The following ARHGAP30 variants were observed in gnomAD, a reference collection of about 807,000 sequenced individuals.
ARHGAP30 encodes rho GTPase-activating protein 30.
A neutral mutation model predicts 72.0 loss-of-function variants in ARHGAP30; 23 were observed. That is an observed-to-expected ratio of 0.32 (90% CI 0.23 to 0.45). The LOEUF (loss-of-function observed/expected upper bound fraction) is 0.45, where lower values mean the gene tolerates loss of function less well. ARHGAP30 is among the 20% of genes least tolerant of loss of function. ARHGAP30 has a pLI of 1.00. For synonymous variants in ARHGAP30, 576 were observed against 528.2 expected (o/e 1.09, Z -1.24); for missense variants, 1,319 against 1,383.4 (o/e 0.95, Z 0.74).
At chr1:161,067,967 G>T (rs932622526) in intron 1 of ARHGAP30, among the ~76,000 whole-genome samples, 1 of 149,246 alleles carries the variant, frequency 6.7e-6, no homozygotes, top group African/African-American at 2.5e-5. Context: ...TCCTGCTCTC[G>T]GATTCACCTA....
chr1:161,051,198 C>A, intron 10 of ARHGAP30, 116 bp downstream of exon 10: 1 of 1,471,398 alleles, frequency 6.8e-7, no homozygotes, highest in Non-Finnish European at 9.0e-7. Flanking sequence ...AGGTAACCAC[C>A]CCAAAGCCCA....
At chr1:161,064,823 G>GAAA (rs1242829760) in intron 1 of ARHGAP30, among the ~76,000 whole-genome samples, 1 of 63,914 alleles carries the variant, frequency 1.6e-5, no homozygotes, top group Non-Finnish European at 2.8e-5. Context: ...AAGAAAGAAA[G>GAAA]AAAGAAAGAG....
chr1:161,063,734 G>C (rs1341991790), intron 1 of ARHGAP30, among the ~76,000 whole-genome samples: 1 of 152,178 alleles, frequency 6.6e-6, no homozygotes, highest in Non-Finnish European at 1.5e-5. Context: ...AAATATCGCT[G>C]AATTCTTTTT....
chr1:161,049,546 C>T lies in ARHGAP30; in HGVS notation c.1564G>A (p.Glu522Lys). 6.2e-7 allele frequency: 1 copy of T among 1,614,174 alleles called. No individual in the cohort carries two copies. The highest frequency in any genetic ancestry group is 8.5e-7 in the Non-Finnish European group (1 of 1,180,030). ...FLEDSSSSEP[E>K]WVGAEDGEVA... The stretch of plus-strand genomic sequence containing the variant: ...TCCCCATCCTCTGCCCCCACCCACT[C>T]AGGTTCTGAGCTGCTTGAGTCCTCT... Residue 522 changes from glutamate to lysine, a missense_variant, in exon 11 of 12, where the codon GAG (glutamate) becomes AAG (lysine). Glu to Lys is a moderately conservative substitution (Grantham distance 56). Transcript: ENST00000368013.
chr1:161,068,451 G>C (rs1652920696), intron 1 of ARHGAP30, among the ~76,000 whole-genome samples: 1 of 152,144 alleles, frequency 6.6e-6, no homozygotes, highest in Non-Finnish European at 1.5e-5. Flanking sequence ...GGACGCAGGG[G>C]CGGGGCTAAG....
chr1:161,048,799 T>C lies in ARHGAP30; in HGVS notation c.2222A>G (p.Glu741Gly). ...TTCTTTTTCCTTCTCATCTGTATACTCATCTCCTCCTGGTTCCTCCACACC... is the reference window on the plus strand; with the variant it reads ...TTCTTTTTCCTTCTCATCTGTATACCCATCTCCTCCTGGTTCCTCCACACC... ...AKGVEEPGGD[E>G]YTDEKEKEIE... The change falls in exon 12 of 12, where the codon GAG becomes GGG. Residue 741 changes from glutamate (E) to glycine (G), a missense_variant. By Grantham distance (98) the Glu-to-Gly change is moderately conservative (BLOSUM62 -2). Transcript: ENST00000368013. 1 of 1,614,122 alleles carries C rather than the reference T, an allele frequency of 6.2e-7. No individual in the cohort carries two copies. Among genetic ancestry groups the C allele is most frequent in the South Asian group, 1.1e-5 (1 of 91,082 alleles).
intron 5 of ARHGAP30, 93 bp from the exon 6 acceptor site, chr1:161,053,478 C>G: frequency 9.8e-7 from 1 of 1,022,376 alleles, no homozygotes; most frequent in Non-Finnish European, 1.3e-6. Flanking sequence ...CTCTCTCTCT[C>G]TCTCTCTCTC....
chr1:161,056,292 G>C, intron 3 of ARHGAP30, 96 bp downstream of exon 3: 1 of 1,475,844 alleles, frequency 6.8e-7, no homozygotes, highest in Non-Finnish European at 9.1e-7. Flanking sequence ...ATTCAGGATC[G>C]CTAGGACTCT....
At position 161,048,793 on chromosome 1, in the gene ARHGAP30, G is replaced by T; in HGVS notation, c.2228C>A (p.Thr743Lys). ...CTCAATTTCTTTTTCCTTCTCATCTGTATACTCATCTCCTCCTGGTTCCTC... is the reference window on the plus strand; with the variant it reads ...CTCAATTTCTTTTTCCTTCTCATCTTTATACTCATCTCCTCCTGGTTCCTC... ...GVEEPGGDEYTDEKEKEIERE... is the reference protein window; with the variant it reads ...GVEEPGGDEYKDEKEKEIERE... The change falls in exon 12 of 12, where the codon ACA becomes AAA. Residue 743 changes from threonine to lysine, a missense_variant. Physicochemically the swap from Thr to Lys is moderately conservative, Grantham distance 78 (BLOSUM62 -1). Around this residue, in one of 2 missense-constraint regions of ARHGAP30, gnomAD observed 1,097 missense variants for 1,045.2 expected, o/e 1.05. Coordinates refer to ENST00000368013, the MANE Select transcript of ARHGAP30 (RefSeq NM_001025598.2). 6.2e-7 allele frequency: 1 copy of T among 1,613,764 alleles called. No homozygotes were observed. Among genetic ancestry groups the T allele is most frequent in the Non-Finnish European group, 8.5e-7 (1 of 1,179,952 alleles).
intron 1 of ARHGAP30, among the ~76,000 whole-genome samples, chr1:161,064,927 A>G (rs1031698149): frequency 6.7e-6 from 1 of 150,202 alleles, no homozygotes; most frequent in East Asian, 2.0e-4. Context: ...GAGAAAAGGA[A>G]AGGAAGGGAA....
Position 161,056,094 on chromosome 1 carries a change from C to A in ARHGAP30, c.345+294G>T, listed in dbSNP as rs546185822. On this transcript the variant is annotated intron_variant, in intron 3 of 11. Transcript: ENST00000368013. ...CTTTCCAAGGCCCTTCCAGCTACAACAATCTGACCTCTACCTCCCCAAGTC... is the reference window on the plus strand; with the variant it reads ...CTTTCCAAGGCCCTTCCAGCTACAAAAATCTGACCTCTACCTCCCCAAGTC... Among the ~76,000 whole-genome samples the A allele has an allele frequency of 2.0e-5, 3 of 152,122 alleles. No homozygotes were observed. In the South Asian group the frequency reaches 6.2e-4, roughly 32 times the overall value.
At position 161,069,749 on chromosome 1, in the gene ARHGAP30, T is replaced by C. The variant is rs920857917; in HGVS notation, c.-125A>G. On this transcript the variant is annotated 5_prime_UTR_variant, in exon 1 of 12. Transcript: ENST00000368013. This position sits in a 1 kb window ranked among gnomAD's most constrained non-coding sequence, Gnocchi z 4.9. ...GGCCCCAGGGGGGCAGGGCTCCCAA[T>C]TGGGGGTGGAGGGTGGCCTGGGCAA... 7 of 1,061,808 alleles carry C rather than the reference T, an allele frequency of 6.6e-6. No homozygotes were observed. The highest frequency in any genetic ancestry group is 4.2e-5 in the South Asian group (3 of 70,788). The allele number at this position is 1,061,808 out of a possible 1,614,324, so 65.8% of individuals were successfully genotyped here.
chr1:161,049,778 C>A (rs1651212222), intron 10 of ARHGAP30, 89 bp from the exon 11 acceptor site: 5 of 1,462,366 alleles, frequency 3.4e-6, no homozygotes, highest in Admixed American at 2.1e-5. Flanking sequence ...ATAGCAGGGG[C>A]CCAGCACTCC....
At position 161,047,368 on chromosome 1, in the gene ARHGAP30, AT is replaced by A. The variant is rs1650922620; in HGVS notation, c.*346del. ...CTACCTTTGGCTTTCATGAAGAGAG[AT>A]TCACAGCTCAGAGGAAGGGAGGAAT... On this transcript the variant is annotated 3_prime_UTR_variant, in exon 12 of 12. Transcript: ENST00000368013. 2 of 175,302 alleles carry A rather than the reference AT, an allele frequency of 1.1e-5. No homozygotes were observed. Among genetic ancestry groups the A allele is most frequent in the Admixed American group, 6.1e-5 (1 of 16,424 alleles). 10.9% of individuals were successfully genotyped at this position (175,302 alleles called of 1,614,324 possible).
At chr1:161,055,120 T>C (rs1405487454) in intron 3 of ARHGAP30, among the ~76,000 whole-genome samples, 1 of 152,208 alleles carries the variant, frequency 6.6e-6, no homozygotes, top group Admixed American at 6.5e-5. Flanking sequence ...CTCAGTGCTC[T>C]TATGCTCAAT....
At chr1:161,062,091 AAAC>A (rs1480449147) in intron 1 of ARHGAP30, among the ~76,000 whole-genome samples, 2 of 152,138 alleles carry the variant, frequency 1.3e-5, no homozygotes, top group African/African-American at 2.4e-5. Flanking sequence ...CGGTCTTTAA[AAAC>A]AACAACAACA....
chr1:161,055,480 G>A (rs138551796), intron 3 of ARHGAP30, among the ~76,000 whole-genome samples: 39 of 152,088 alleles, frequency 2.6e-4, no homozygotes, highest in African/African-American at 9.2e-4. Flanking sequence ...GTGACCGAAG[G>A]AGACCCTGTC....
chr1:161,053,462 TTCTCTCTCTC>T (rs57196073), intron 5 of ARHGAP30, 77 bp from the exon 6 acceptor site: 15,623 of 691,666 alleles, frequency 0.023, 122 homozygotes, highest in East Asian at 0.053. Context: ...AAATACCTTA[TTCTCTCTCTC>T]TCTCTCTCTC....
At position 161,052,229 on chromosome 1, in the gene ARHGAP30, C is replaced by T. The variant is rs1031477919; in HGVS notation, c.1018+57G>A. The T allele has an allele frequency of 5.7e-6, 9 of 1,590,424 alleles. No homozygotes were observed. The African/African-American group carries it at 1.2e-4, about 21-fold the overall frequency. On this transcript the variant is annotated intron_variant, in intron 9 of 11. Coordinates refer to ENST00000368013, the MANE Select transcript of ARHGAP30 (RefSeq NM_001025598.2). Reference sequence around the variant, plus strand: ...ACAGTTGGCTGCATGTACACACAAGCCCACGCTGGTCACATAGCACACACA... The same window carrying T: ...ACAGTTGGCTGCATGTACACACAAGTCCACGCTGGTCACATAGCACACACA...
Sources: gnomAD v4.1 joint callset for allele counts (sites outside exome capture counted in the v4.1 genomes callset) on GRCh38, gnomAD v4.1.1 for gene constraint, gnomAD v4.1.1 regional missense constraint, Gnocchi (gnomAD v3.1) non-coding constraint, MANE v1.5 for transcripts, NCBI Gene and HGNC (gene_info 2026-07-23, HGNC 2026-07-21) for gene names.